TNS1: variants seen among roughly 807,000 people sequenced by gnomAD.
TNS1 encodes the protein tensin 1.
A neutral mutation model predicts 168.6 loss-of-function variants in TNS1; 62 were observed. The observed-to-expected ratio is 0.37, with a 90% CI of 0.30 to 0.45. The LOEUF is 0.45. TNS1 is among the 20% of genes least tolerant of loss of function. The pLI, the probability that TNS1 is intolerant of heterozygous loss-of-function variation, is 1.00. For missense variants in TNS1, 2,240 were observed against 2,339.4 expected, an observed-to-expected ratio of 0.96 and a Z score of 0.88; for synonymous variants, 934 against 933.2, an observed-to-expected ratio of 1.00 and a Z score of -0.02.
rs990009368 is a variant in TNS1, at chr2:217,801,038, A to C, written c.*3421T>G. ...CCATCCCTCTCCTGGCCAGTCTCAGAAGACCCAGGGATCCTCAAAAACCAG... is the reference window on the plus strand; with the variant it reads ...CCATCCCTCTCCTGGCCAGTCTCAGCAGACCCAGGGATCCTCAAAAACCAG... On this transcript the variant is annotated 3_prime_UTR_variant, in exon 33 of 33. Coordinates refer to ENST00000682258, the MANE Select transcript of TNS1 (RefSeq NM_001387777.1). 1.3e-5 allele frequency: 2 copies of C among 152,078 alleles called. No individual in the cohort carries two copies. Among genetic ancestry groups the C allele is most frequent in the Non-Finnish European group, 2.9e-5 (2 of 68,022 alleles). The allele number at this position is 152,078 out of a possible 1,614,324, so 9.4% of individuals were successfully genotyped here.
chr2:217,918,225 C>T (rs181886715), intron 4 of TNS1, among the ~76,000 whole-genome samples: 12 of 152,324 alleles, frequency 7.9e-5, no homozygotes, highest in Admixed American at 5.2e-4. Context: ...CCGTCACTAA[C>T]GTCCATTATG....
intron 6 of TNS1, 54 bp downstream of exon 6, chr2:217,906,279 ATT>A: frequency 3.4e-5 from 12 of 353,038 alleles, no homozygotes; most frequent in Admixed American, 5.0e-5. Flanking sequence ...ACCCCACCCC[ATT>A]CCCCCTGGCC....
chr2:218,026,833 C>T (rs1432484815), intron 1 of TNS1, among the ~76,000 whole-genome samples: 1 of 152,236 alleles, frequency 6.6e-6, no homozygotes, highest in Non-Finnish European at 1.5e-5. Context: ...CCAAGAAAGC[C>T]AGGCCTGTCC....
chr2:217,953,912 G>A (rs1333221744), intron 3 of TNS1, among the ~76,000 whole-genome samples: 1 of 152,236 alleles, frequency 6.6e-6, no homozygotes, highest in African/African-American at 2.4e-5. Flanking sequence ...TCCCCCTTGG[G>A]TACCTCTCCT....
At chr2:217,805,566 C>CACCACAT (rs1938655770) in intron 32 of TNS1, among the ~76,000 whole-genome samples, 1 of 230 alleles carries the variant, frequency 4.3e-3, no homozygotes. Flanking sequence ...CACACACCAC[C>CACCACAT]ACACACACCA....
At chr2:217,849,119 A>G in intron 18 of TNS1, 32 bp from the exon 19 acceptor site, 2 of 1,584,552 alleles carry the variant, frequency 1.3e-6, no homozygotes, top group Non-Finnish European at 1.7e-6. Flanking sequence ...GGGAGACAAC[A>G]GACAACAGAC....
At chr2:217,866,540 T>C (rs1949291393) in intron 18 of TNS1, among the ~76,000 whole-genome samples, 1 of 152,208 alleles carries the variant, frequency 6.6e-6, no homozygotes, top group Non-Finnish European at 1.5e-5. Context: ...CACACCAGGC[T>C]GCAGAGGTTC....
At chr2:217,999,665 G>A (rs1435835450) in intron 1 of TNS1, among the ~76,000 whole-genome samples, 2 of 152,228 alleles carry the variant, frequency 1.3e-5, no homozygotes, top group Non-Finnish European at 2.9e-5. Flanking sequence ...AACCAAACTA[G>A]AGAGAACGAG....
At chr2:217,808,700 A>C (rs1453067216) in intron 30 of TNS1, 29 bp from the exon 31 acceptor site, 1 of 1,610,134 alleles carries the variant, frequency 6.2e-7, no homozygotes, top group South Asian at 1.1e-5. Context: ...ATAAACAGAG[A>C]ATGAGTGCTG....
intron 21 of TNS1, among the ~76,000 whole-genome samples, chr2:217,832,745 C>T (rs917686970): frequency 1.3e-5 from 2 of 152,216 alleles, no homozygotes; most frequent in Admixed American, 1.3e-4. Flanking sequence ...CACGTGGGAA[C>T]AGGAAGATAT....
chr2:217,914,610 C>A (rs1954797025), intron 4 of TNS1, among the ~76,000 whole-genome samples: 1 of 152,212 alleles, frequency 6.6e-6, no homozygotes, highest in Admixed American at 6.5e-5. Flanking sequence ...CTCAGCCTCC[C>A]AAGTAGCTAG....
chr2:217,958,059 C>A (rs1957409012), intron 3 of TNS1, among the ~76,000 whole-genome samples: 1 of 148,110 alleles, frequency 6.8e-6, no homozygotes, highest in Non-Finnish European at 1.5e-5. Context: ...TTCCAAGTTT[C>A]CTAAAGTGTG....
chr2:217,968,419 T>A (rs1308512625), intron 3 of TNS1, among the ~76,000 whole-genome samples: 1 of 152,142 alleles, frequency 6.6e-6, no homozygotes, highest in East Asian at 1.9e-4. Flanking sequence ...CTATTAGAAT[T>A]AATAAATACT....
chr2:217,987,691 C>G (rs147443328), intron 2 of TNS1, among the ~76,000 whole-genome samples: 77 of 152,312 alleles, frequency 5.1e-4, no homozygotes, highest in African/African-American at 1.8e-3. Flanking sequence ...GCGCCCCACC[C>G]CACCTATCAC....
Position 217,880,959 on chromosome 2 carries a change from G to A in TNS1, c.1368C>T (p.Asp456=), listed in dbSNP as rs61745427. The change falls in exon 18 of 33, where the codon GAC becomes GAT. Residue 456 remains aspartate, a synonymous_variant. Coordinates refer to ENST00000682258, the MANE Select transcript of TNS1 (RefSeq NM_001387777.1). This position sits in a 1 kb window ranked among gnomAD's most constrained non-coding sequence, Gnocchi z 4.2. ...PSVSVDYNTS[D]PLIRWDSYDN... is the part of the protein sequence containing the mutation. ...CGTAGGAGTCCCAGCGGATGAGGGG[G>A]TCGGAGGTGTTATAGTCCACAGACA... is the stretch of plus-strand genomic sequence containing the variant. 1.8e-3 allele frequency: 2,838 copies of A among 1,614,084 alleles called. 40 individuals are homozygous for A. The African/African-American group carries it at 0.034, about 19-fold the overall frequency.
intron 27 of TNS1, among the ~76,000 whole-genome samples, chr2:217,812,922 G>A (rs569838288): frequency 6.6e-6 from 1 of 152,206 alleles, no homozygotes; most frequent in Non-Finnish European, 1.5e-5. Flanking sequence ...TGCTGAGACT[G>A]TGACATTCAC....
intron 3 of TNS1, among the ~76,000 whole-genome samples, chr2:217,934,452 C>G (rs1404507512): frequency 6.6e-6 from 1 of 152,150 alleles, no homozygotes; most frequent in African/African-American, 2.4e-5. Flanking sequence ...AGCCACCTAC[C>G]CAGTGGAGAC....
intron 18 of TNS1, among the ~76,000 whole-genome samples, chr2:217,864,119 A>G (rs980653949): frequency 2.0e-5 from 3 of 152,210 alleles, no homozygotes; most frequent in Non-Finnish European, 4.4e-5. Flanking sequence ...ATTACTCAGG[A>G]AGGGAATTGT....
At chr2:217,921,678 C>A (rs1048672317) in intron 3 of TNS1, among the ~76,000 whole-genome samples, 3 of 152,186 alleles carry the variant, frequency 2.0e-5, no homozygotes, top group Non-Finnish European at 4.4e-5. Flanking sequence ...GGAGTCCTAG[C>A]ATTTATTCCT....
Sources: allele counts gnomAD v4.1 joint callset (sites outside exome capture counted in the v4.1 genomes callset), GRCh38; gene constraint gnomAD v4.1.1; non-coding constraint Gnocchi (gnomAD v3.1); transcripts MANE v1.5; gene names NCBI Gene and HGNC (gene_info 2026-07-23, HGNC 2026-07-21).